MCCC1: variants seen among roughly 807,000 people sequenced by gnomAD.
MCCC1 encodes the protein methylcrotonoyl-CoA carboxylase subunit alpha, mitochondrial.
A neutral mutation model predicts 83.8 loss-of-function variants in MCCC1; 64 were observed. That is an observed-to-expected ratio of 0.76 (90% CI 0.62 to 0.94). The LOEUF (loss-of-function observed/expected upper bound fraction) is 0.94, where lower values mean the gene tolerates loss of function less well. Among genes scored for constraint, MCCC1 ranks in the 40% least tolerant of loss-of-function variants. The probability of loss-of-function intolerance (pLI) is 0.00; values close to 1 mark genes in which losing one functional copy is unlikely to be tolerated. For synonymous variants in MCCC1, 322 were observed against 315.4 expected, an observed-to-expected ratio of 1.02 and a Z score of -0.22; for missense variants, 807 against 904.7, an observed-to-expected ratio of 0.89 and a Z score of 1.39.
intron 13 of MCCC1, among the ~76,000 whole-genome samples, chr3:183,035,662 T>G (rs1230108836): frequency 6.6e-6 from 1 of 152,104 alleles, no homozygotes; most frequent in Non-Finnish European, 1.5e-5. Context: ...GCATTTTGGA[T>G]TTGGGGATTT....
chr3:183,048,760 G>A (rs369227170), intron 9 of MCCC1, among the ~76,000 whole-genome samples: 1 of 152,170 alleles, frequency 6.6e-6, no homozygotes, highest in South Asian at 2.1e-4. Context: ...GGATACAACT[G>A]TCATCTATAG....
chr3:183,096,021 C>A (rs1006491677), intron 1 of MCCC1, among the ~76,000 whole-genome samples: 1 of 152,096 alleles, frequency 6.6e-6, no homozygotes, highest in Non-Finnish European at 1.5e-5. Flanking sequence ...AAAAGTATAA[C>A]GTCTATTAAG....
chr3:183,091,086 T>A, intron 3 of MCCC1: 1 of 456,028 alleles, frequency 2.2e-6, no homozygotes, highest in South Asian at 1.6e-5. Context: ...CGAAACAAGT[T>A]TGAAATACTC....
At chr3:183,084,690 G>C (rs1333974836) in intron 4 of MCCC1, among the ~76,000 whole-genome samples, 1 of 152,166 alleles carries the variant, frequency 6.6e-6, no homozygotes, top group Non-Finnish European at 1.5e-5. Flanking sequence ...GGGAGGCTGA[G>C]GTGGGAAGAT....
rs139863884 is a variant in MCCC1 at position 183,088,675 on chromosome 3, C to G, written c.274-1887G>C. 1.3e-4 allele frequency among the ~76,000 whole-genome samples: 20 copies of G among 152,316 alleles called. No individual in the cohort carries two copies. In the East Asian group the frequency reaches 3.5e-3, roughly 26 times the overall value. On this transcript the variant is annotated intron_variant, in intron 3 of 18. Coordinates refer to ENST00000265594, the MANE Select transcript of MCCC1 (RefSeq NM_020166.5). The stretch of plus-strand genomic sequence containing the variant: ...GACATATTGTTCCATATCCATATTC[C>G]TAACTAGTCATATATGTTTATATAA...
chr3:183,059,580 C>T (rs1715675590), intron 7 of MCCC1, among the ~76,000 whole-genome samples: 1 of 152,174 alleles, frequency 6.6e-6, no homozygotes, highest in African/African-American at 2.4e-5. Context: ...TATTTTACTT[C>T]TACCTATTCC....
At chr3:183,018,215 C>T (rs879922160) in intron 17 of MCCC1, among the ~76,000 whole-genome samples, 26 of 110,894 alleles carry the variant, frequency 2.3e-4, no homozygotes, top group East Asian at 1.9e-3. Context: ...AGGTCAAATG[C>T]ACTGGTCAAA....
chr3:183,034,097 C>G lies in MCCC1; in HGVS notation c.1595-20G>C, dbSNP rs1560215443. 1.4e-5 allele frequency: 21 copies of G among 1,497,582 alleles called. No individual in the cohort carries two copies. The highest frequency in any genetic ancestry group is 1.8e-5 in the Non-Finnish European group (19 of 1,076,750). The allele number at this position is 1,497,582 out of a possible 1,614,324, so 92.8% of individuals were successfully genotyped here. A position where few individuals can be genotyped will look rare whatever the true frequency, so the allele number is the denominator to read the frequency against. ...ATTGATCTAGAAAAAATTTAAAATT[C>G]AGTAACAAACTTATGAGTATCAAGC... On this transcript the variant is annotated intron_variant, in intron 13 of 18. Transcript: ENST00000265594.
intron 1 of MCCC1, among the ~76,000 whole-genome samples, chr3:183,106,081 T>TAA (rs563718218): frequency 4.0e-5 from 4 of 101,064 alleles, no homozygotes; most frequent in Admixed American, 2.1e-4. Flanking sequence ...AGAGAGTCCG[T>TAA]AAAAAAAAAA....
intron 18 of MCCC1, among the ~76,000 whole-genome samples, chr3:183,016,667 C>T (rs1157536151): frequency 6.6e-6 from 1 of 152,174 alleles, no homozygotes; most frequent in Non-Finnish European, 1.5e-5. Context: ...CAGATAAATC[C>T]AATGTAAGCT....
In MCCC1 at chr3:183,083,574, A is replaced by G. The variant is rs568672908; in HGVS notation, c.369+3119T>C. The stretch of plus-strand genomic sequence containing the variant: ...AACATTCTTTGAAATATACTTCAAA[A>G]TAAGTATTATTCCTTTCTCATTGTG... On this transcript the variant is annotated intron_variant, in intron 4 of 18. Transcript: ENST00000265594. Among the ~76,000 whole-genome samples the G allele has an allele frequency of 3.3e-5, 5 of 152,326 alleles. No individual in the cohort carries two copies. In the South Asian group the frequency reaches 1.0e-3, roughly 32 times the overall value.
chr3:183,107,534 T>TTTG (rs530964558), intron 1 of MCCC1, among the ~76,000 whole-genome samples: 203 of 151,208 alleles, frequency 1.3e-3, no homozygotes, highest in East Asian at 1.9e-3. Flanking sequence ...ATTATTATTA[T>TTTG]TTGTTGTTGT....
rs143245217 is a variant in MCCC1, at chr3:183,037,863, G to A, written c.1378-429C>T. 4.0e-3 allele frequency among the ~76,000 whole-genome samples: 603 copies of A among 152,238 alleles called. 2 individuals are homozygous for A. The highest frequency in any genetic ancestry group is 0.014 in the African/African-American group (581 of 41,540). Reference sequence around the variant, plus strand: ...AAGCTGGATTGCTATACTGGGGAGAGGATAGGATTAAATGCCCTCAAAAGA... The same window carrying A: ...AAGCTGGATTGCTATACTGGGGAGAAGATAGGATTAAATGCCCTCAAAAGA... On this transcript the variant is annotated intron_variant, in intron 12 of 18. Coordinates refer to ENST00000265594, the MANE Select transcript of MCCC1 (RefSeq NM_020166.5).
chr3:183,057,715 C>CA (rs1166152073), intron 7 of MCCC1, among the ~76,000 whole-genome samples: 2 of 151,954 alleles, frequency 1.3e-5, no homozygotes, highest in Non-Finnish European at 2.9e-5. Flanking sequence ...CCAATCTCTA[C>CA]AAAAAAACTA....
intron 13 of MCCC1, among the ~76,000 whole-genome samples, chr3:183,036,558 T>A (rs1219411393): frequency 3.4e-5 from 5 of 148,130 alleles, no homozygotes; most frequent in Non-Finnish European, 7.4e-5. Context: ...TTTTTTTTTT[T>A]AGATGAACTC....
intron 4 of MCCC1, among the ~76,000 whole-genome samples, chr3:183,081,786 C>G (rs962003308): frequency 6.6e-6 from 1 of 152,170 alleles, no homozygotes; most frequent in East Asian, 1.9e-4. Context: ...GGGCTCAACT[C>G]GGCTCAACAT....
intron 10 of MCCC1, among the ~76,000 whole-genome samples, chr3:183,043,226 G>A (rs1016355410): frequency 2.0e-5 from 3 of 152,216 alleles, no homozygotes; most frequent in Non-Finnish European, 4.4e-5. Flanking sequence ...GGAGGTAGAG[G>A]TTGCAGTGAG....
At chr3:183,108,447 C>T (rs1379750749) in intron 1 of MCCC1, among the ~76,000 whole-genome samples, 1 of 152,146 alleles carries the variant, frequency 6.6e-6, no homozygotes, top group Admixed American at 6.6e-5. Flanking sequence ...TGGTGTCTGC[C>T]AGGTTTCCTC....
chr3:183,110,815 G>A (rs1033675400), intron 1 of MCCC1, among the ~76,000 whole-genome samples: 11 of 152,154 alleles, frequency 7.2e-5, no homozygotes, highest in African/African-American at 2.2e-4. Context: ...TAATTTTTGT[G>A]TATGGAGAAA....
Sources: gnomAD v4.1 joint callset for allele counts (sites outside exome capture counted in the v4.1 genomes callset) on GRCh38, gnomAD v4.1.1 for gene constraint, MANE v1.5 for transcripts, NCBI Gene and HGNC (gene_info 2026-07-23, HGNC 2026-07-21) for gene names.